GALNTL6: variants seen among roughly 807,000 people sequenced by gnomAD.
GALNTL6 encodes polypeptide N-acetylgalactosaminyltransferase-like 6.
Under a neutral mutation model 73.7 loss-of-function variants are expected in GALNTL6, and 46 were observed. The ratio of observed to expected loss-of-function variants is 0.62; its 90% CI spans 0.49 to 0.80. The LOEUF is 0.80. Among genes scored for constraint, GALNTL6 ranks in the 30% least tolerant of loss-of-function variants. The pLI is 0.00. For missense variants in GALNTL6, 604 were observed against 755.0 expected (o/e 0.80, Z 2.34); for synonymous variants, 259 against 263.7 (o/e 0.98, Z 0.17).
At chr4:172,126,692 C>G (rs942931457) in intron 2 of GALNTL6, among the ~76,000 whole-genome samples, 1 of 152,144 alleles carries the variant, frequency 6.6e-6, no homozygotes, top group Non-Finnish European at 1.5e-5. Flanking sequence ...GCTTGGAGAC[C>G]ACACAAAGGC....
At chr4:172,862,818 G>A (rs1295757130) in intron 7 of GALNTL6, among the ~76,000 whole-genome samples, 1 of 152,208 alleles carries the variant, frequency 6.6e-6, no homozygotes, top group African/African-American at 2.4e-5. Context: ...CGTGGAAAAT[G>A]TCTCCAGGGC....
intron 10 of GALNTL6, among the ~76,000 whole-genome samples, chr4:172,961,007 G>C (rs1750023728): frequency 7.5e-6 from 1 of 134,156 alleles, no homozygotes; most frequent in South Asian, 2.7e-4. Context: ...AGGGGTTGGG[G>C]GGTTCTTGCC....
intron 2 of GALNTL6, chr4:171,816,024 T>G (rs1373245265): frequency 1.3e-5 from 2 of 152,172 alleles, no homozygotes; most frequent in Admixed American, 1.3e-4. Context: ...GTATATTCTG[T>G]TTTGTCATTC....
At position 173,010,885 on chromosome 4, in the gene GALNTL6, A is replaced by C. The variant is rs192935043; in HGVS notation, c.1488+1591A>C. On this transcript the variant is annotated intron_variant, in intron 11 of 12. Coordinates refer to ENST00000506823, the MANE Select transcript of GALNTL6 (RefSeq NM_001034845.3). ...CTCCCAAAGTGCTGGGATTACAGGC[A>C]TAAGCCACCACGCCCAGCCAATTTT... Among the ~76,000 whole-genome samples the C allele has an allele frequency of 3.9e-4, 60 of 152,076 alleles. No individual in the cohort carries two copies. In the East Asian group the frequency reaches 8.9e-3, roughly 23 times the overall value.
intron 5 of GALNTL6, among the ~76,000 whole-genome samples, chr4:172,585,343 C>T (rs762771710): frequency 1.3e-5 from 2 of 152,014 alleles, no homozygotes; most frequent in Non-Finnish European, 2.9e-5. Flanking sequence ...CACCTATCAA[C>T]CTGTCATCTA....
intron 2 of GALNTL6, among the ~76,000 whole-genome samples, chr4:172,032,308 G>A (rs1741792683): frequency 6.6e-6 from 1 of 151,916 alleles, no homozygotes; most frequent in Non-Finnish European, 1.5e-5. Context: ...TAATTATCAA[G>A]GTGTCGTTAA....
intron 5 of GALNTL6, among the ~76,000 whole-genome samples, chr4:172,356,491 T>C (rs1267724918): frequency 6.6e-6 from 1 of 152,194 alleles, no homozygotes; most frequent in Non-Finnish European, 1.5e-5. Flanking sequence ...ACATTTTCTC[T>C]TTTATCCTGA....
intron 2 of GALNTL6, among the ~76,000 whole-genome samples, chr4:171,860,867 A>G (rs1306767410): frequency 1.3e-5 from 2 of 152,160 alleles, no homozygotes; most frequent in Admixed American, 6.6e-5. Flanking sequence ...TTAGGTGCCC[A>G]GTAAGATTTC....
At chr4:172,734,203 T>C (rs1192681054) in intron 5 of GALNTL6, among the ~76,000 whole-genome samples, 3 of 152,146 alleles carry the variant, frequency 2.0e-5, no homozygotes, top group South Asian at 2.1e-4. Flanking sequence ...CTAAGCAGCA[T>C]TGTGTTCAAG....
In GALNTL6 at chr4:171,941,428, T is replaced by G. The variant is rs113025943; in HGVS notation, c.138+126710T>G. Among the ~76,000 whole-genome samples, 52 of 152,370 alleles carry G rather than the reference T, an allele frequency of 3.4e-4. 1 individual carries two copies. Among genetic ancestry groups the G allele is most frequent in the African/African-American group, 1.2e-3 (50 of 41,602 alleles). ...AAATATGGTGCATTTTCCCCCTTGA[T>G]GCCCAGTGAATTTTAATTTTCTATA... is the stretch of plus-strand genomic sequence containing the variant. On this transcript the variant is annotated intron_variant, in intron 2 of 12. Transcript: ENST00000506823.
chr4:172,802,868 GATTAAGTAA>G (rs141953643), intron 5 of GALNTL6, among the ~76,000 whole-genome samples: 8,433 of 152,216 alleles, frequency 0.055, 399 homozygotes, highest in African/African-American at 0.13. Context: ...GAACTATCTA[GATTAAGTAA>G]ATTTACTGAA....
intron 5 of GALNTL6, among the ~76,000 whole-genome samples, chr4:172,635,437 C>G (rs947818911): frequency 2.0e-5 from 3 of 152,034 alleles, no homozygotes; most frequent in African/African-American, 7.2e-5. Flanking sequence ...CAATTCTGAG[C>G]TTTAGTTTTG....
intron 2 of GALNTL6, among the ~76,000 whole-genome samples, chr4:172,082,452 G>A (rs1731906217): frequency 6.6e-6 from 1 of 152,160 alleles, no homozygotes; most frequent in African/African-American, 2.4e-5. Flanking sequence ...GGTGGCAATT[G>A]CACCTGCAGT....
At chr4:171,938,547 T>C (rs6854428) in intron 2 of GALNTL6, among the ~76,000 whole-genome samples, 6,470 of 152,236 alleles carry the variant, frequency 0.042, 395 homozygotes, top group African/African-American at 0.14. Flanking sequence ...AAATCATCTG[T>C]GTAAGTGTGA....
At chr4:171,916,195 C>G (rs1041671866) in intron 2 of GALNTL6, among the ~76,000 whole-genome samples, 5 of 151,680 alleles carry the variant, frequency 3.3e-5, no homozygotes, top group African/African-American at 1.2e-4. Context: ...ATGTATACAA[C>G]GTTTAACATA....
chr4:173,000,406 G>T (rs1751995531), intron 10 of GALNTL6, among the ~76,000 whole-genome samples: 1 of 152,108 alleles, frequency 6.6e-6, no homozygotes, highest in South Asian at 2.1e-4. Context: ...GAAAGAAATT[G>T]CATATCTAAA....
At chr4:172,432,548 G>C (rs1168093990) in intron 5 of GALNTL6, among the ~76,000 whole-genome samples, 1 of 151,944 alleles carries the variant, frequency 6.6e-6, no homozygotes, top group South Asian at 2.1e-4. Context: ...TCCAAATTAA[G>C]TCCCAAGGAT....
intron 2 of GALNTL6, among the ~76,000 whole-genome samples, chr4:171,833,810 G>C (rs1735036556): frequency 6.6e-6 from 1 of 151,678 alleles, no homozygotes; most frequent in Non-Finnish European, 1.5e-5. Flanking sequence ...TTTAGAACGT[G>C]CTTATATATA....
intron 2 of GALNTL6, among the ~76,000 whole-genome samples, chr4:171,898,094 A>T (rs1191256156): frequency 6.6e-6 from 1 of 152,116 alleles, no homozygotes; most frequent in Non-Finnish European, 1.5e-5. Flanking sequence ...TTGACAAAAG[A>T]TATATGAAAG....
Sources: gnomAD v4.1 joint callset for allele counts (sites outside exome capture counted in the v4.1 genomes callset) on GRCh38, gnomAD v4.1.1 for gene constraint, MANE v1.5 for transcripts, NCBI Gene and HGNC (gene_info 2026-07-23, HGNC 2026-07-21) for gene names.